Variants in CADPS observed in about 807,000 individuals in gnomAD.
The protein encoded by CADPS is calcium dependent secretion activator.
CADPS carries 57 observed loss-of-function variants against 167.3 expected under a neutral mutation model. The ratio of observed to expected loss-of-function variants is 0.34; its 90% CI spans 0.28 to 0.42. The LOEUF (loss-of-function observed/expected upper bound fraction) is 0.42. Among genes scored for constraint, CADPS ranks in the 20% least tolerant of loss-of-function variants. CADPS has a pLI of 1.00. For missense variants in CADPS, 1,414 were observed against 1,738.1 expected, an observed-to-expected ratio of 0.81 and a Z score of 3.32; for synonymous variants, 676 against 635.3, an observed-to-expected ratio of 1.06 and a Z score of -0.96.
intron 11 of CADPS, among the ~76,000 whole-genome samples, chr3:62,538,405 A>G (rs2075127155): frequency 6.6e-6 from 1 of 151,962 alleles, no homozygotes; most frequent in African/African-American, 2.4e-5. Context: ...ACATTTCTCT[A>G]TCGCCTTTGA....
chr3:62,618,662 C>T (rs2062707713), intron 6 of CADPS, among the ~76,000 whole-genome samples: 2 of 152,290 alleles, frequency 1.3e-5, no homozygotes, highest in Admixed American at 6.5e-5. Context: ...CCAACTGTTT[C>T]ATTCTCAGAG....
chr3:62,561,495 C>A lies in CADPS; in HGVS notation c.1645-3982G>T, dbSNP rs535097263. On this transcript the variant is annotated intron_variant, in intron 9 of 29. Coordinates refer to ENST00000383710, the MANE Select transcript of CADPS (RefSeq NM_003716.4). Reference sequence around the variant, plus strand: ...TATGTTACCTAGGCTGGTTTGAACTCCTGGGCTCAAGTGATCTTCGCATTT... The same window carrying A: ...TATGTTACCTAGGCTGGTTTGAACTACTGGGCTCAAGTGATCTTCGCATTT... 1.8e-4 allele frequency among the ~76,000 whole-genome samples: 27 copies of A among 151,754 alleles called. No individual in the cohort carries two copies. The South Asian group carries it at 5.4e-3, about 30-fold the overall frequency.
intron 13 of CADPS, among the ~76,000 whole-genome samples, chr3:62,519,894 G>A (rs779205893): frequency 6.6e-5 from 10 of 152,118 alleles, no homozygotes; most frequent in South Asian, 2.1e-4. Context: ...GTAACTTTTC[G>A]TGTATATGCT....
chr3:62,690,344 T>C (rs927816912), intron 3 of CADPS, among the ~76,000 whole-genome samples: 2 of 152,074 alleles, frequency 1.3e-5, no homozygotes, highest in Non-Finnish European at 2.9e-5. Flanking sequence ...CATATTGTTT[T>C]GTTCTTATGC....
chr3:62,436,538 T>G (rs1344141819), intron 28 of CADPS, among the ~76,000 whole-genome samples: 3 of 152,124 alleles, frequency 2.0e-5, no homozygotes, highest in African/African-American at 7.2e-5. Context: ...TATTGGATGG[T>G]GATTGTGCCC....
rs552239950 is a variant in CADPS, at chr3:62,753,275, A to G, written c.888+166T>C. ...ATTTATTTATTTTTTAAATCAGAAGAAAAGCATGAATATACTCCAGCCTAA... is the reference window on the plus strand; with the variant it reads ...ATTTATTTATTTTTTAAATCAGAAGGAAAGCATGAATATACTCCAGCCTAA... On this transcript the variant is annotated intron_variant, in intron 3 of 29. Transcript: ENST00000383710. This position sits in a 1 kb window ranked among gnomAD's most constrained non-coding sequence, Gnocchi z 4.6. Among the ~76,000 whole-genome samples the G allele has an allele frequency of 4.6e-5, 7 of 152,218 alleles. No homozygotes were observed. The highest frequency in any genetic ancestry group is 1.0e-4 in the Non-Finnish European group (7 of 68,040).
chr3:62,432,250 C>T (rs865920272), intron 28 of CADPS, among the ~76,000 whole-genome samples: 1 of 152,074 alleles, frequency 6.6e-6, no homozygotes, highest in African/African-American at 2.4e-5. Context: ...ATCATTTAGT[C>T]CTCACGAAAA....
At chr3:62,437,054 GAA>G (rs370430065) in intron 28 of CADPS, among the ~76,000 whole-genome samples, 1 of 144,630 alleles carries the variant, frequency 6.9e-6, no homozygotes, top group African/African-American at 2.5e-5. Context: ...CACAATCACA[GAA>G]AAAAAAAAAT....
intron 6 of CADPS, among the ~76,000 whole-genome samples, chr3:62,638,552 G>T (rs986058601): frequency 6.6e-6 from 1 of 152,106 alleles, no homozygotes; most frequent in Admixed American, 6.6e-5. Context: ...CAGTCACTTA[G>T]TCCTTAAGGG....
chr3:62,474,170 T>TTTTTTTTTTTTTAAC lies in CADPS; in HGVS notation c.3477+2_3477+3insGTTAAAAAAAAAAAA. The TTTTTTTTTTTTTAAC allele has an allele frequency of 6.8e-7, 1 of 1,475,394 alleles. No homozygotes were observed. Among genetic ancestry groups the TTTTTTTTTTTTTAAC allele is most frequent in the Non-Finnish European group, 9.0e-7 (1 of 1,105,882 alleles). The allele number at this position is 1,475,394 out of a possible 1,614,324, so 91.4% of individuals were successfully genotyped here. A position where few individuals can be genotyped will look rare whatever the true frequency, so the allele number is the denominator to read the frequency against. ...AAATCTGTATTTTTTTTTTTTTTTT[T>TTTTTTTTTTTTTAAC]ACCTCTTGGCCCATTTCCATGCTGC... On this transcript the variant is annotated splice_region_variant and intron_variant, in intron 24 of 29. Coordinates refer to ENST00000383710, the MANE Select transcript of CADPS (RefSeq NM_003716.4).
At chr3:62,813,682 G>A (rs967974423) in intron 1 of CADPS, among the ~76,000 whole-genome samples, 11 of 152,062 alleles carry the variant, frequency 7.2e-5, no homozygotes, top group Non-Finnish European at 1.3e-4. Flanking sequence ...TACAGAATAA[G>A]ATAAGGTATT....
At chr3:62,688,660 C>T (rs1225014452) in intron 3 of CADPS, among the ~76,000 whole-genome samples, 3 of 152,086 alleles carry the variant, frequency 2.0e-5, no homozygotes, top group Admixed American at 6.5e-5. Context: ...TAAATACCTT[C>T]CTGTCCTAGT....
intron 3 of CADPS, among the ~76,000 whole-genome samples, chr3:62,667,846 G>A (rs924702204): frequency 3.3e-5 from 5 of 151,926 alleles, no homozygotes; most frequent in Non-Finnish European, 7.4e-5. Context: ...ATAGGTCTAC[G>A]TATCAGCAAA....
At chr3:62,848,130 GT>G (rs1011042649) in intron 1 of CADPS, among the ~76,000 whole-genome samples, 1 of 144,402 alleles carries the variant, frequency 6.9e-6, no homozygotes, top group Non-Finnish European at 1.5e-5. Flanking sequence ...GGGGTTGTTC[GT>G]TTTTTTCTTG....
intron 3 of CADPS, among the ~76,000 whole-genome samples, chr3:62,708,121 C>CA (rs1478761169): frequency 6.6e-6 from 1 of 151,960 alleles, no homozygotes; most frequent in Non-Finnish European, 1.5e-5. Flanking sequence ...GGTGAAGTCT[C>CA]ACCTGTTACC....
intron 26 of CADPS, among the ~76,000 whole-genome samples, chr3:62,460,322 G>C (rs1052036677): frequency 6.6e-6 from 1 of 152,174 alleles, no homozygotes. Context: ...CCTCCACTCT[G>C]AAATATAGAA....
At chr3:62,549,294 A>G (rs530178574) in intron 11 of CADPS, among the ~76,000 whole-genome samples, 1 of 152,332 alleles carries the variant, frequency 6.6e-6, no homozygotes, top group Admixed American at 6.5e-5. Context: ...TTTAGGTAGC[A>G]AGAAGACATG....
chr3:62,684,642 T>C lies in CADPS; in HGVS notation c.889-22248A>G, dbSNP rs547479187. ...ACATCCTTCTCTTCATTTTCCTTTGTAAAAATATCCTAAATTTCAATCCAC... is the reference window on the plus strand; with the variant it reads ...ACATCCTTCTCTTCATTTTCCTTTGCAAAAATATCCTAAATTTCAATCCAC... On this transcript the variant is annotated intron_variant, in intron 3 of 29. Coordinates refer to ENST00000383710, the MANE Select transcript of CADPS (RefSeq NM_003716.4). Among the ~76,000 whole-genome samples, 4 of 152,146 alleles carry C rather than the reference T, an allele frequency of 2.6e-5. No homozygotes were observed. In the East Asian group the frequency reaches 7.8e-4, roughly 30 times the overall value.
At chr3:62,493,424 T>C (rs944660580) in intron 19 of CADPS, among the ~76,000 whole-genome samples, 2 of 152,226 alleles carry the variant, frequency 1.3e-5, no homozygotes, top group African/African-American at 4.8e-5. Flanking sequence ...TGCCGCAAAG[T>C]ATTTACATTG....
Sources: allele counts gnomAD v4.1 joint callset (sites outside exome capture counted in the v4.1 genomes callset), GRCh38; gene constraint gnomAD v4.1.1; non-coding constraint Gnocchi (gnomAD v3.1); transcripts MANE v1.5; gene names NCBI Gene and HGNC (gene_info 2026-07-23, HGNC 2026-07-21).